DPYD: variants seen among roughly 807,000 people sequenced by gnomAD.
DPYD encodes dihydropyrimidine dehydrogenase [NADP(+)].
Under a neutral mutation model 116.2 loss-of-function variants are expected in DPYD, and 109 were observed. The ratio of observed to expected loss-of-function variants is 0.94; its 90% CI spans 0.80 to 1.10. The LOEUF (loss-of-function observed/expected upper bound fraction) is 1.10, where lower values mean the gene tolerates loss of function less well. DPYD is among the 50% of genes least tolerant of loss of function. DPYD has a pLI of 0.00. For missense variants in DPYD, 1,302 were observed against 1,254.5 expected, an observed-to-expected ratio of 1.04 and a Z score of -0.57; for synonymous variants, 440 against 432.0, an observed-to-expected ratio of 1.02 and a Z score of -0.23.
chr1:97,279,453 C>G (rs759079263), intron 18 of DPYD, among the ~76,000 whole-genome samples: 25 of 152,052 alleles, frequency 1.6e-4, no homozygotes, highest in Non-Finnish European at 2.2e-4. Flanking sequence ...CCATCACAAC[C>G]CTGTGCAATC....
Position 97,373,637 on chromosome 1 carries a change from C to A in DPYD, c.1982G>T (p.Gly661Val). The A allele has an allele frequency of 6.2e-7, 1 of 1,613,584 alleles. No individual in the cohort carries two copies. The highest frequency in any genetic ancestry group is 1.1e-5 in the South Asian group (1 of 91,038). The stretch of plus-strand genomic sequence containing the variant: ...TAAATTTAACTCCAGGGCATCTGCT[C>A]CAGAATCCTTTAAACAAGAAAGGAA... ...TELAKKSEDS[G>V]ADALELNLSC... The change falls in exon 16 of 23, where the codon GGA (glycine) becomes GTA (valine). Residue 661 changes from glycine to valine, a missense_variant. By Grantham distance (109) the Gly-to-Val change is moderately radical (BLOSUM62 -3). Coordinates refer to ENST00000370192, the MANE Select transcript of DPYD (RefSeq NM_000110.4).
chr1:97,568,871 A>T (rs924228310), intron 11 of DPYD, among the ~76,000 whole-genome samples: 7 of 152,072 alleles, frequency 4.6e-5, no homozygotes, highest in African/African-American at 1.7e-4. Flanking sequence ...TTTAGTATAA[A>T]GGTGCACTCC....
chr1:97,533,254 AC>A (rs1228272158), intron 12 of DPYD, among the ~76,000 whole-genome samples: 11 of 152,132 alleles, frequency 7.2e-5, no homozygotes, highest in Admixed American at 1.3e-4. Context: ...GGTTTCTTTC[AC>A]ATTCTACTAG....
At chr1:97,141,465 C>T (rs961184119) in intron 20 of DPYD, among the ~76,000 whole-genome samples, 13 of 152,028 alleles carry the variant, frequency 8.6e-5, no homozygotes, top group Non-Finnish European at 1.6e-4. Context: ...CAGACATCCA[C>T]GAGGCTTATT....
intron 1 of DPYD, among the ~76,000 whole-genome samples, chr1:97,913,013 G>A (rs888819548): frequency 6.6e-6 from 1 of 152,106 alleles, no homozygotes; most frequent in Non-Finnish European, 1.5e-5. Context: ...TTGGCATAAA[G>A]AGTCCCATCT....
chr1:97,313,001 T>C (rs1176713045), intron 16 of DPYD, among the ~76,000 whole-genome samples: 1 of 151,924 alleles, frequency 6.6e-6, no homozygotes, highest in African/African-American at 2.4e-5. Context: ...TTATTGACCA[T>C]GAGGCACTAC....
At chr1:97,840,305 C>A (rs1465890361) in intron 2 of DPYD, among the ~76,000 whole-genome samples, 2 of 151,632 alleles carry the variant, frequency 1.3e-5, no homozygotes, top group Admixed American at 6.6e-5. Context: ...TTTTTTAAGC[C>A]CAGTGCTGTA....
In DPYD at chr1:97,691,050, G is replaced by A. The variant is rs114333699; in HGVS notation, c.762+667C>T. Reference sequence around the variant, plus strand: ...TAATCTATTGTGTTATATCTATTATGAAAAATTAACATTTTTGAAACAAAA... The same window carrying A: ...TAATCTATTGTGTTATATCTATTATAAAAAATTAACATTTTTGAAACAAAA... On this transcript the variant is annotated intron_variant, in intron 7 of 22. Coordinates refer to ENST00000370192, the MANE Select transcript of DPYD (RefSeq NM_000110.4). Among the ~76,000 whole-genome samples, 1,428 of 152,048 alleles carry A rather than the reference G, an allele frequency of 9.4e-3. 16 individuals are homozygous for A. The highest frequency in any genetic ancestry group is 0.024 in the Middle Eastern group (7 of 294).
In DPYD at chr1:97,573,788, G is replaced by C. The variant is rs780469489; in HGVS notation, c.1311C>G (p.Ala437=). ...VHLKADVVIS[A]FGSVLSDPKV... ...TAGGATCACTCAGAACTGAACCAAA[G>C]GCACTGATGACCACATCGGCTTTCA... The change falls in exon 11 of 23, where the codon GCC becomes GCG. Residue 437 remains alanine (A), a synonymous_variant. Coordinates refer to ENST00000370192, the MANE Select transcript of DPYD (RefSeq NM_000110.4). 1.9e-6 allele frequency: 3 copies of C among 1,613,524 alleles called. No individual in the cohort carries two copies. In the Admixed American group the frequency reaches 5.0e-5, roughly 27 times the overall value.
intron 18 of DPYD, among the ~76,000 whole-genome samples, chr1:97,275,243 T>C (rs1664860615): frequency 6.6e-6 from 1 of 152,192 alleles, no homozygotes; most frequent in Non-Finnish European, 1.5e-5. Flanking sequence ...TGGAATCATA[T>C]TCTTTCTTCA....
chr1:97,708,345 C>T (rs927059741), intron 5 of DPYD, among the ~76,000 whole-genome samples: 5 of 151,904 alleles, frequency 3.3e-5, no homozygotes, highest in African/African-American at 7.3e-5. Context: ...AGGTTTGTTT[C>T]TAGATTCACT....
intron 1 of DPYD, among the ~76,000 whole-genome samples, chr1:97,904,577 A>G (rs964554246): frequency 1.3e-5 from 2 of 152,022 alleles, no homozygotes; most frequent in Non-Finnish European, 2.9e-5. Context: ...CAACAGTACC[A>G]GAGGAATTTA....
chr1:97,562,261 T>C (rs1017783145), intron 11 of DPYD, among the ~76,000 whole-genome samples: 7 of 152,182 alleles, frequency 4.6e-5, no homozygotes, highest in African/African-American at 1.4e-4. Context: ...AGTAATGTGA[T>C]GAGACTGGTG....
chr1:97,807,794 T>G (rs972704305), intron 3 of DPYD, among the ~76,000 whole-genome samples: 1 of 152,106 alleles, frequency 6.6e-6, no homozygotes, highest in Non-Finnish European at 1.5e-5. Flanking sequence ...CTACACTTCA[T>G]TTTGAGTTAA....
chr1:97,729,576 T>G (rs1663470909), intron 4 of DPYD, among the ~76,000 whole-genome samples: 1 of 152,042 alleles, frequency 6.6e-6, no homozygotes, highest in Non-Finnish European at 1.5e-5. Flanking sequence ...GGAAGTAGAA[T>G]AAGAAATACA....
intron 3 of DPYD, among the ~76,000 whole-genome samples, chr1:97,824,914 C>A (rs778904030): frequency 5.9e-5 from 9 of 152,144 alleles, no homozygotes; most frequent in African/African-American, 9.7e-5. Context: ...GTCTCAAATG[C>A]GCACATCAAC....
intron 13 of DPYD, among the ~76,000 whole-genome samples, chr1:97,454,972 T>C (rs1268725399): frequency 6.6e-6 from 1 of 151,806 alleles, no homozygotes; most frequent in Non-Finnish European, 1.5e-5. Context: ...TCTTGTTGAA[T>C]GAAAAGGGCA....
chr1:97,659,366 C>T (rs1659123068), intron 8 of DPYD, among the ~76,000 whole-genome samples: 1 of 152,098 alleles, frequency 6.6e-6, no homozygotes, highest in Admixed American at 6.5e-5. Context: ...CAAGGGAAAG[C>T]TTTCAATGAT....
At chr1:97,115,012 T>C (rs1210176958) in intron 20 of DPYD, among the ~76,000 whole-genome samples, 2 of 152,206 alleles carry the variant, frequency 1.3e-5, no homozygotes, top group Admixed American at 6.5e-5. Context: ...GTAATCCTTT[T>C]ACCTCTTCCT....
Sources: gnomAD v4.1 joint callset for allele counts (sites outside exome capture counted in the v4.1 genomes callset) on GRCh38, gnomAD v4.1.1 for gene constraint, MANE v1.5 for transcripts, NCBI Gene and HGNC (gene_info 2026-07-23, HGNC 2026-07-21) for gene names.